PRKCI: variants seen among roughly 807,000 people sequenced by gnomAD.
PRKCI encodes the protein protein kinase C iota type.
In PRKCI, 43 loss-of-function variants were observed where a neutral mutation model predicts 84.0. The observed-to-expected ratio is 0.51, with a 90% CI of 0.40 to 0.66. PRKCI has a LOEUF of 0.66. PRKCI is among the 30% of genes least tolerant of loss of function. PRKCI has a pLI of 0.00. For synonymous variants in PRKCI, 216 were observed against 234.4 expected (o/e 0.92, Z 0.72); for missense variants, 459 against 745.6 (o/e 0.62, Z 4.48).
rs1259133115 is a variant in PRKCI at position 170,270,470 on chromosome 3, A to G, written c.500A>G (p.Gln167Arg). The G allele has an allele frequency of 6.2e-7, 1 of 1,613,916 alleles. No homozygotes were observed. ...CTDRIWGLGR[Q>R]GYKCINCKLL... is the part of the protein sequence containing the mutation. Reference sequence around the variant, plus strand: ...GACCGAATATGGGGACTTGGACGCCAAGGATATAAGTGCATCAACTGCAAA... The same window carrying G: ...GACCGAATATGGGGACTTGGACGCCGAGGATATAAGTGCATCAACTGCAAA... Residue 167 changes from glutamine to arginine, a missense_variant, in exon 6 of 18, where the codon CAA becomes CGA. By Grantham distance (43) the Gln-to-Arg change is conservative. Transcript: ENST00000295797.
At chr3:170,236,718 T>C (rs1577342047) in intron 2 of PRKCI, among the ~76,000 whole-genome samples, 1 of 151,856 alleles carries the variant, frequency 6.6e-6, no homozygotes, top group East Asian at 1.9e-4. Flanking sequence ...TTAAAACTTA[T>C]CTGGTGGTAG....
intron 17 of PRKCI, among the ~76,000 whole-genome samples, 161 bp from the exon 18 acceptor site, chr3:170,302,879 A>G (rs773716431): frequency 1.3e-5 from 2 of 152,180 alleles, no homozygotes; most frequent in Non-Finnish European, 2.9e-5. Context: ...TCAGTACTCC[A>G]TTCTTGATTC....
chr3:170,298,957 A>T (rs573844463), intron 16 of PRKCI, 38 bp from the exon 17 acceptor site: 6 of 1,396,506 alleles, frequency 4.3e-6, no homozygotes, highest in South Asian at 3.5e-5. Context: ...TTTTTCTAAG[A>T]ATACAGACTT....
At chr3:170,287,547 A>G (rs953706447) in intron 12 of PRKCI, among the ~76,000 whole-genome samples, 1 of 151,866 alleles carries the variant, frequency 6.6e-6, no homozygotes, top group African/African-American at 2.4e-5. Context: ...CAGTACACTA[A>G]TGCATTTTAA....
intron 1 of PRKCI, among the ~76,000 whole-genome samples, chr3:170,230,524 T>G (rs1732757958): frequency 6.6e-6 from 1 of 152,196 alleles, no homozygotes; most frequent in Non-Finnish European, 1.5e-5. Context: ...GAGACAGGGT[T>G]TTGCCATGTT....
chr3:170,265,766 C>T (rs1376015117), intron 4 of PRKCI, among the ~76,000 whole-genome samples: 1 of 149,948 alleles, frequency 6.7e-6, no homozygotes, highest in Non-Finnish European at 1.5e-5. Context: ...CTACCACGCC[C>T]GTCTAATTTT....
intron 6 of PRKCI, among the ~76,000 whole-genome samples, chr3:170,272,409 T>C (rs576906957): frequency 6.6e-6 from 1 of 152,328 alleles, no homozygotes; most frequent in Admixed American, 6.5e-5. Context: ...AGCTCTTTGG[T>C]ATTAGAATCT....
chr3:170,248,278 C>T (rs1399772677), intron 2 of PRKCI, among the ~76,000 whole-genome samples: 2 of 152,040 alleles, frequency 1.3e-5, no homozygotes, highest in African/African-American at 4.8e-5. Flanking sequence ...TGAATATTTA[C>T]CTAACTTTTT....
intron 8 of PRKCI, among the ~76,000 whole-genome samples, chr3:170,279,963 T>A (rs1734204658): frequency 3.9e-5 from 6 of 152,162 alleles, no homozygotes; most frequent in Admixed American, 3.9e-4. Flanking sequence ...TATCGTATCC[T>A]TTTTAAGACA....
intron 1 of PRKCI, among the ~76,000 whole-genome samples, chr3:170,224,878 T>C (rs1472922733): frequency 6.6e-6 from 1 of 152,222 alleles, no homozygotes; most frequent in Non-Finnish European, 1.5e-5. Context: ...AATGAGTCTA[T>C]GAAAGGTAAG....
At chr3:170,257,844 C>T (rs978819134) in intron 2 of PRKCI, among the ~76,000 whole-genome samples, 100 of 151,568 alleles carry the variant, frequency 6.6e-4, no homozygotes, top group African/African-American at 2.2e-3. Flanking sequence ...TTTGTGTTTT[C>T]GTAGAGACGG....
At chr3:170,280,451 TC>T in intron 9 of PRKCI, 48 bp downstream of exon 9, 1 of 1,475,424 alleles carries the variant, frequency 6.8e-7, no homozygotes, top group South Asian at 1.3e-5. Context: ...AGAATACTAT[TC>T]TTTTTTTTTT....
intron 6 of PRKCI, among the ~76,000 whole-genome samples, chr3:170,272,306 G>A (rs1734024180): frequency 6.6e-6 from 1 of 152,144 alleles, no homozygotes; most frequent in Non-Finnish European, 1.5e-5. Flanking sequence ...AAAAATACCT[G>A]GATGCATCTT....
chr3:170,228,686 C>A (rs1732703146), intron 1 of PRKCI, among the ~76,000 whole-genome samples: 1 of 151,694 alleles, frequency 6.6e-6, no homozygotes, highest in Admixed American at 6.6e-5. Flanking sequence ...TCTCTCACTC[C>A]CACCTTATTT....
At chr3:170,253,507 A>G (rs1006714051) in intron 2 of PRKCI, among the ~76,000 whole-genome samples, 1 of 152,160 alleles carries the variant, frequency 6.6e-6, no homozygotes, top group African/African-American at 2.4e-5. Flanking sequence ...ATGTCTGTTC[A>G]GGAGCCGGGC....
chr3:170,263,477 G>T, intron 4 of PRKCI, 48 bp downstream of exon 4: 1 of 1,459,052 alleles, frequency 6.9e-7, no homozygotes, highest in South Asian at 1.2e-5. Context: ...ACTATGCTAT[G>T]GTACAAGTGA....
chr3:170,279,162 G>A (rs1264889037), intron 8 of PRKCI, among the ~76,000 whole-genome samples: 1 of 152,000 alleles, frequency 6.6e-6, no homozygotes, highest in African/African-American at 2.4e-5. Context: ...CAGGTAGCTG[G>A]GACTACAGTG....
At chr3:170,263,803 G>GA (rs931857821) in intron 4 of PRKCI, among the ~76,000 whole-genome samples, 22 of 143,590 alleles carry the variant, frequency 1.5e-4, no homozygotes, top group South Asian at 2.2e-4. Flanking sequence ...GTCTCAAGGG[G>GA]AAAAAAAAAA....
At chr3:170,275,934 CT>C (rs746440889) in intron 8 of PRKCI, among the ~76,000 whole-genome samples, 2,679 of 132,206 alleles carry the variant, frequency 0.02, 52 homozygotes, top group African/African-American at 0.065. Context: ...CCGTATCATT[CT>C]TTTTTTTTTT....
Sources: gnomAD v4.1 joint callset for allele counts (sites outside exome capture counted in the v4.1 genomes callset) on GRCh38, gnomAD v4.1.1 for gene constraint, MANE v1.5 for transcripts, NCBI Gene and HGNC (gene_info 2026-07-23, HGNC 2026-07-21) for gene names.